The following CEP126 variants were observed in gnomAD, a reference collection of about 807,000 sequenced individuals.
CEP126 encodes the protein centrosomal protein of 126 kDa.
In CEP126, 74 loss-of-function variants were observed where a neutral mutation model predicts 107.8. The observed-to-expected ratio is 0.69, with a 90% CI of 0.57 to 0.83. The LOEUF (loss-of-function observed/expected upper bound fraction) is 0.83. Ranked by LOEUF, CEP126 falls within the 40% of genes least tolerant of loss-of-function variation. The pLI is 0.00. For synonymous variants in CEP126, 449 were observed against 446.0 expected, an observed-to-expected ratio of 1.01 and a Z score of -0.08; for missense variants, 1,237 against 1,281.9, an observed-to-expected ratio of 0.96 and a Z score of 0.53.
intron 4 of CEP126, among the ~76,000 whole-genome samples, chr11:101,948,883 A>G (rs1020186067): frequency 1.3e-5 from 2 of 152,202 alleles, no homozygotes; most frequent in Admixed American, 6.5e-5. Context: ...TACGTCCACA[A>G]TTCAGACAAT....
chr11:101,917,686 T>C (rs1410034894), intron 1 of CEP126, among the ~76,000 whole-genome samples: 1 of 150,074 alleles, frequency 6.7e-6, no homozygotes, highest in African/African-American at 2.5e-5. Context: ...CCTTCAACCC[T>C]CCCATTTTAT....
At chr11:101,987,705 T>C (rs1184456002) in intron 9 of CEP126, among the ~76,000 whole-genome samples, 1 of 151,834 alleles carries the variant, frequency 6.6e-6, no homozygotes, top group Admixed American at 6.6e-5. Flanking sequence ...AACTTCAGTA[T>C]TGAGCAGGTG....
Position 101,963,159 on chromosome 11 carries a change from T to C in CEP126, c.2124T>C (p.His708=), listed in dbSNP as rs144620052. Residue 708 remains histidine, a synonymous_variant, in exon 6 of 11, where the codon CAT becomes CAC. Coordinates refer to ENST00000263468, the MANE Select transcript of CEP126 (RefSeq NM_020802.4). ...CTTTAGGAGGATCTGGAGCAGACCA[T>C]ATGCCTTTGAACTGTTTTATACCTT... The part of the protein sequence containing the change: ...VTTLGGSGAD[H]MPLNCFIPSG... 1 of 1,614,096 alleles carries C rather than the reference T, an allele frequency of 6.2e-7. No homozygotes were observed.
chr11:101,922,330 A>G (rs1940341506), intron 1 of CEP126, among the ~76,000 whole-genome samples: 1 of 151,830 alleles, frequency 6.6e-6, no homozygotes. Context: ...ACGTCCAGCT[A>G]ATTTTTGTAT....
At chr11:101,985,631 A>G (rs1254114462) in intron 8 of CEP126, among the ~76,000 whole-genome samples, 2 of 152,162 alleles carry the variant, frequency 1.3e-5, no homozygotes, top group African/African-American at 4.8e-5. Flanking sequence ...TCTCATGTGT[A>G]TGCAAATATC....
intron 1 of CEP126, among the ~76,000 whole-genome samples, chr11:101,922,052 TG>T (rs1185788003): frequency 6.6e-6 from 1 of 151,880 alleles, no homozygotes; most frequent in African/African-American, 2.4e-5. Context: ...CCCAAAGTGT[TG>T]GGATTACAGG....
intron 6 of CEP126, among the ~76,000 whole-genome samples, chr11:101,975,159 T>C (rs1941178861): frequency 6.6e-6 from 1 of 152,214 alleles, no homozygotes; most frequent in African/African-American, 2.4e-5. Flanking sequence ...TTTGCATATA[T>C]AGCATTTAGC....
At chr11:101,924,365 C>T (rs1378108534) in intron 2 of CEP126, among the ~76,000 whole-genome samples, 1 of 152,096 alleles carries the variant, frequency 6.6e-6, no homozygotes, top group African/African-American at 2.4e-5. Context: ...TTATACTTTA[C>T]ATCATTTAAG....
chr11:101,994,798 G>T (rs945360786), intron 10 of CEP126, among the ~76,000 whole-genome samples: 1 of 151,992 alleles, frequency 6.6e-6, no homozygotes, highest in African/African-American at 2.4e-5. Flanking sequence ...AATAACTTTA[G>T]ATGTGTATCC....
chr11:101,989,996 G>A (rs1376457022), intron 9 of CEP126, among the ~76,000 whole-genome samples: 1 of 149,892 alleles, frequency 6.7e-6, no homozygotes, highest in Non-Finnish European at 1.5e-5. Context: ...TCTAAAGAGA[G>A]ACAGGTTGTG....
At chr11:101,931,293 G>A (rs909069522) in intron 2 of CEP126, among the ~76,000 whole-genome samples, 1 of 151,988 alleles carries the variant, frequency 6.6e-6, no homozygotes, top group Admixed American at 6.5e-5. Flanking sequence ...GTGTATTGAG[G>A]GTAATTTTCA....
intron 8 of CEP126, among the ~76,000 whole-genome samples, chr11:101,986,449 T>G (rs1941317539): frequency 6.6e-6 from 1 of 152,250 alleles, no homozygotes; most frequent in South Asian, 2.1e-4. Flanking sequence ...AAGGGTTTTT[T>G]GGTCTTACTT....
chr11:101,990,802 A>T (rs892715175), intron 9 of CEP126, among the ~76,000 whole-genome samples: 1 of 151,188 alleles, frequency 6.6e-6, no homozygotes, highest in East Asian at 1.9e-4. Context: ...GAACAGGAAC[A>T]TTTCAGGGGG....
chr11:101,931,401 T>C (rs991190614), intron 2 of CEP126, among the ~76,000 whole-genome samples: 1 of 152,198 alleles, frequency 6.6e-6, no homozygotes, highest in Non-Finnish European at 1.5e-5. Context: ...ATTTTATGTC[T>C]CGGAAAGCAC....
intron 4 of CEP126, chr11:101,956,614 T>C (rs1310017175): frequency 4.4e-6 from 2 of 456,246 alleles, no homozygotes; most frequent in Admixed American, 2.4e-5. Context: ...TTTCCTCTTC[T>C]TCGACTTCCT....
chr11:101,955,666 A>G (rs1285689619), intron 4 of CEP126: 3 of 355,942 alleles, frequency 8.4e-6, no homozygotes, highest in Non-Finnish European at 1.7e-5. Context: ...ATGATCATAC[A>G]TGGACCCTAT....
intron 6 of CEP126, among the ~76,000 whole-genome samples, chr11:101,977,991 T>A (rs530684698): frequency 6.6e-6 from 1 of 152,320 alleles, no homozygotes; most frequent in Non-Finnish European, 1.5e-5. Flanking sequence ...AATCATATAT[T>A]ACATGAGTAA....
chr11:101,982,754 G>T (rs567984019), intron 8 of CEP126, among the ~76,000 whole-genome samples: 58 of 152,138 alleles, frequency 3.8e-4, no homozygotes, highest in Admixed American at 3.7e-3. Context: ...GTAGGTATTG[G>T]ATATACATGT....
At chr11:101,946,933 T>A (rs1940744911) in intron 3 of CEP126, among the ~76,000 whole-genome samples, 3 of 152,130 alleles carry the variant, frequency 2.0e-5, no homozygotes. Context: ...ATTTTAAACA[T>A]TCAATAAATA....
Sources: allele counts gnomAD v4.1 joint callset (sites outside exome capture counted in the v4.1 genomes callset), GRCh38; gene constraint gnomAD v4.1.1; transcripts MANE v1.5; gene names NCBI Gene and HGNC (gene_info 2026-07-23, HGNC 2026-07-21).